Variants in ZDHHC9 observed in about 807,000 individuals in gnomAD.
The protein encoded by ZDHHC9 is palmitoyltransferase ZDHHC9.
In ZDHHC9, 3 loss-of-function variants were observed where a neutral mutation model predicts 26.6. The ratio of observed to expected loss-of-function variants is 0.11; its 90% confidence interval spans 0.05 to 0.29. ZDHHC9 has a LOEUF of 0.29. Ranked by LOEUF, ZDHHC9 falls within the 10% of genes least tolerant of loss-of-function variation. ZDHHC9 has a pLI of 1.00. For missense variants in ZDHHC9, 146 were observed against 296.4 expected, an observed-to-expected ratio of 0.49 and a Z score of 3.73; for synonymous variants, 111 against 109.4, an observed-to-expected ratio of 1.01 and a Z score of -0.09.
intron 3 of ZDHHC9, among the ~76,000 whole-genome samples, chrX:129,840,703 A>C (rs1253572656): frequency 3.6e-5 from 4 of 111,131 alleles, no homozygotes; most frequent in African/African-American, 6.6e-5. Context: ...CTGTTACTCA[A>C]GCCAGCTGCA....
intron 3 of ZDHHC9, among the ~76,000 whole-genome samples, chrX:129,838,351 G>A (rs1404700295): frequency 1.3e-4 from 14 of 111,535 alleles, no homozygotes; most frequent in Non-Finnish European, 2.6e-4. Flanking sequence ...ACAGCGGCCC[G>A]AGAGAGACCC....
chrX:129,837,833 C>T (rs1369379995), intron 3 of ZDHHC9, among the ~76,000 whole-genome samples: 1 of 112,375 alleles, frequency 8.9e-6, no homozygotes, highest in African/African-American at 3.2e-5. Context: ...AAGCCAATTC[C>T]AGGAGACAGT....
intron 3 of ZDHHC9, among the ~76,000 whole-genome samples, chrX:129,831,993 T>C (rs1449082593): frequency 7.2e-5 from 8 of 110,529 alleles, no homozygotes; most frequent in African/African-American, 1.6e-4. Flanking sequence ...AATAACACTA[T>C]ATTGTATACC....
intron 3 of ZDHHC9, among the ~76,000 whole-genome samples, chrX:129,838,924 A>T (rs747880860): frequency 8.9e-6 from 1 of 112,381 alleles, no homozygotes; most frequent in Non-Finnish European, 1.9e-5. Flanking sequence ...ATGCCTGACC[A>T]GACTTCTCAA....
intron 4 of ZDHHC9, among the ~76,000 whole-genome samples, chrX:129,828,419 G>A (rs1602956995): frequency 1.8e-5 from 2 of 109,456 alleles, no homozygotes; most frequent in South Asian, 8.2e-4. Context: ...TCAGGAGATC[G>A]AGACCATCCT....
intron 6 of ZDHHC9, 54 bp from the exon 7 acceptor site, chrX:129,813,779 T>C: frequency 9.5e-7 from 1 of 1,052,448 alleles, no homozygotes; most frequent in Admixed American, 2.2e-5. Flanking sequence ...CAGTCAAAAC[T>C]ACACACTATC....
intron 5 of ZDHHC9, among the ~76,000 whole-genome samples, chrX:129,817,575 C>T (rs1402396017): frequency 9.0e-6 from 1 of 111,582 alleles, no homozygotes; most frequent in Non-Finnish European, 1.9e-5. Flanking sequence ...TTATCTATTT[C>T]CAAAACCCTT....
chrX:129,838,358 A>AC (rs937480524), intron 3 of ZDHHC9, among the ~76,000 whole-genome samples: 10 of 110,404 alleles, frequency 9.1e-5, no homozygotes, highest in Admixed American at 1.9e-4. Context: ...CCCGAGAGAG[A>AC]CCCCCCGGCT....
intron 3 of ZDHHC9, among the ~76,000 whole-genome samples, chrX:129,833,851 A>G (rs148391528): frequency 2.7e-5 from 3 of 111,713 alleles, no homozygotes; most frequent in African/African-American, 9.8e-5. Context: ...GCTTTAAGGA[A>G]GAAGGCCCAA....
At chrX:129,810,186 T>C (rs2124100263) in intron 10 of ZDHHC9, among the ~76,000 whole-genome samples, 1 of 106,243 alleles carries the variant, frequency 9.4e-6, no homozygotes, top group Non-Finnish European at 1.9e-5. Flanking sequence ...CTGTCTCTAG[T>C]GAAAATACAA....
intron 10 of ZDHHC9, among the ~76,000 whole-genome samples, chrX:129,810,078 C>A (rs909290533): frequency 9.3e-6 from 1 of 108,015 alleles, no homozygotes; most frequent in East Asian, 2.9e-4. Flanking sequence ...CAGCTGGGCA[C>A]GGTGGCTCAC....
Position 129,806,451 on chromosome X carries a change from C to T in ZDHHC9, c.1014G>A (p.Pro338=), listed in dbSNP as rs774643586. 5.7e-5 allele frequency: 69 copies of T among 1,209,581 alleles called. No homozygotes were observed. Among genetic ancestry groups the T allele is most frequent in the South Asian group, 3.5e-4 (20 of 56,803 alleles). The change falls in exon 11 of 11, where the codon CCG becomes CCA. Residue 338 remains proline (P), a synonymous_variant. Transcript: ENST00000357166. ...TCTCTTCGGGAGTGCTGCTGTCCTCCGGCATCTCATTTGAGTTCAGGTGTT... is the reference window on the plus strand; with the variant it reads ...TCTCTTCGGGAGTGCTGCTGTCCTCTGGCATCTCATTTGAGTTCAGGTGTT... ...PTEHLNSNEM[P]EDSSTPEEMP... is the part of the protein sequence containing the mutation.
chrX:129,810,154 T>C (rs2124100189), intron 10 of ZDHHC9, among the ~76,000 whole-genome samples: 1 of 107,757 alleles, frequency 9.3e-6, no homozygotes, highest in East Asian at 2.9e-4. Flanking sequence ...ATGCAGACCA[T>C]CCTGGCCAGG....
chrX:129,827,352 G>A (rs944883345), intron 4 of ZDHHC9, among the ~76,000 whole-genome samples: 4 of 110,493 alleles, frequency 3.6e-5, no homozygotes, highest in Non-Finnish European at 5.7e-5. Context: ...TCAAAGCACC[G>A]TCAAAGAACT....
chrX:129,823,565 C>A, intron 5 of ZDHHC9, 114 bp downstream of exon 5: 1 of 911,630 alleles, frequency 1.1e-6, no homozygotes, highest in Admixed American at 2.3e-5. Flanking sequence ...CTATCTAAAT[C>A]TAGTTCATTT....
intron 5 of ZDHHC9, among the ~76,000 whole-genome samples, chrX:129,822,200 A>G (rs1056336541): frequency 1.8e-5 from 2 of 111,276 alleles, no homozygotes; most frequent in African/African-American, 6.5e-5. Context: ...CTTGGAACCA[A>G]CCCAAATGCT....
intron 3 of ZDHHC9, among the ~76,000 whole-genome samples, chrX:129,834,433 A>G (rs185235301): frequency 8.1e-5 from 9 of 111,541 alleles, no homozygotes; most frequent in Non-Finnish European, 1.5e-4. Context: ...AACACTAAAA[A>G]CATAATTTAC....
At chrX:129,823,166 G>A (rs1384002287) in intron 5 of ZDHHC9, 1 of 119,024 alleles carries the variant, frequency 8.4e-6, no homozygotes, top group South Asian at 3.1e-4. Context: ...TTCCTCATCC[G>A]TAAAATGGGG....
intron 3 of ZDHHC9, among the ~76,000 whole-genome samples, chrX:129,831,609 C>T (rs1199258246): frequency 1.8e-5 from 2 of 111,890 alleles, no homozygotes; most frequent in Non-Finnish European, 3.8e-5. Flanking sequence ...AATCTCCACA[C>T]AGAGCATCTT....
Sources: allele counts gnomAD v4.1 joint callset (sites outside exome capture counted in the v4.1 genomes callset), GRCh38; gene constraint gnomAD v4.1.1; transcripts MANE v1.5; gene names NCBI Gene and HGNC (gene_info 2026-07-23, HGNC 2026-07-21).